The following CEP97 variants were observed in gnomAD, a reference collection of about 807,000 sequenced individuals.
CEP97 encodes the protein centrosomal protein of 97 kDa.
In CEP97, 43 loss-of-function variants were observed where a neutral mutation model predicts 73.1. The ratio of observed to expected loss-of-function variants is 0.59; its 90% CI spans 0.46 to 0.76. The LOEUF (loss-of-function observed/expected upper bound fraction) is 0.76. CEP97 is among the 30% of genes least tolerant of loss of function. The pLI is 0.00. For missense variants in CEP97, 939 were observed against 1,014.0 expected, an observed-to-expected ratio of 0.93 and a Z score of 1.00; for synonymous variants, 337 against 370.0, an observed-to-expected ratio of 0.91 and a Z score of 1.02.
chr3:101,724,614 A>C lies in CEP97; in HGVS notation c.-63A>C. ...GTTATAGTTTCCGGCTCCCTCCTTC[A>C]GATTACAAGCTCCACAGAGCCGCGG... On this transcript the variant is annotated 5_prime_UTR_variant, in exon 1 of 11. Coordinates refer to ENST00000341893, the MANE Select transcript of CEP97 (RefSeq NM_024548.4). The C allele has an allele frequency of 1.9e-6, 3 of 1,586,608 alleles. No homozygotes were observed. The highest frequency in any genetic ancestry group is 2.6e-6 in the Non-Finnish European group (3 of 1,155,444).
rs146247413 is a variant in CEP97 at position 101,757,914 on chromosome 3, A to G, written c.1308A>G (p.Ala436=). 255 of 1,614,278 alleles carry G rather than the reference A, an allele frequency of 1.6e-4. 1 individual carries two copies. The African/African-American group carries it at 2.8e-3, about 18-fold the overall frequency. Residue 436 remains alanine, a synonymous_variant, in exon 9 of 11, where the codon GCA becomes GCG. Transcript: ENST00000341893. ...INLGLEDDGV[A]DESVKGLESQ... ...TGGGCCTAGAAGATGATGGTGTTGC[A>G]GATGAATCTGTGAAAGGGCTGGAAA...
chr3:101,766,638 GATAT>G lies in CEP97; in HGVS notation c.*1104_*1107del, dbSNP rs3039557. 3 of 148,030 alleles carry G rather than the reference GATAT, an allele frequency of 2.0e-5. No homozygotes were observed. The highest frequency in any genetic ancestry group is 2.5e-5 in the African/African-American group (1 of 40,444). 9.2% of individuals were successfully genotyped at this position (148,030 alleles called of 1,614,324 possible). On this transcript the variant is annotated 3_prime_UTR_variant, in exon 11 of 11. Transcript: ENST00000341893. ...AAACCTCACTTTACTTGTTAAAAGG[GATAT>G]ATATATATATATATATGTCTGCAAC...
chr3:101,731,718 G>C, intron 4 of CEP97, 122 bp from the exon 5 acceptor site: 1 of 618,772 alleles, frequency 1.6e-6, no homozygotes, highest in South Asian at 2.0e-5. Context: ...TGATTTGTGT[G>C]TGATGAGAAA....
intron 6 of CEP97, among the ~76,000 whole-genome samples, chr3:101,741,082 A>G (rs532506730): frequency 3.1e-4 from 47 of 152,302 alleles, no homozygotes; most frequent in Admixed American, 1.0e-3. Context: ...AGTTATATAG[A>G]CAAATGGAAC....
At position 101,765,641 on chromosome 3, in the gene CEP97, C is replaced by A; in HGVS notation, c.*90C>A. 1 of 1,011,840 alleles carries A rather than the reference C, an allele frequency of 9.9e-7. No individual in the cohort carries two copies. The highest frequency in any genetic ancestry group is 1.5e-6 in the Non-Finnish European group (1 of 686,184). The allele number at this position is 1,011,840 out of a possible 1,614,324, so 62.7% of individuals were successfully genotyped here. A position where few individuals can be genotyped will look rare whatever the true frequency, so the allele number is the denominator to read the frequency against. ...TTTTTTTGGAGGGAAATACTCCCTA[C>A]CCCTAATTTTGTTACTACTTATATA... On this transcript the variant is annotated 3_prime_UTR_variant, in exon 11 of 11. Coordinates refer to ENST00000341893, the MANE Select transcript of CEP97 (RefSeq NM_024548.4).
chr3:101,735,540 C>T (rs982233798), intron 6 of CEP97, among the ~76,000 whole-genome samples: 26 of 152,246 alleles, frequency 1.7e-4, no homozygotes, highest in Middle Eastern at 6.8e-3. Context: ...GTGCAGCCCA[C>T]AGAGGGTGAG....
intron 7 of CEP97, among the ~76,000 whole-genome samples, chr3:101,756,537 C>T (rs917688768): frequency 1.3e-5 from 2 of 151,866 alleles, no homozygotes; most frequent in African/African-American, 2.4e-5. Context: ...CACCAAGCCT[C>T]GGCTAATTTT....
At chr3:101,753,132 G>A (rs1938887942) in intron 6 of CEP97, among the ~76,000 whole-genome samples, 2 of 152,220 alleles carry the variant, frequency 1.3e-5, no homozygotes, top group Admixed American at 1.3e-4. Context: ...CTCAGCTGCA[G>A]GTCTGTTGGA....
At chr3:101,763,086 T>G in intron 10 of CEP97, 3 of 1,202,586 alleles carry the variant, frequency 2.5e-6, no homozygotes, top group Non-Finnish European at 3.2e-6. Flanking sequence ...TTTAATAAAA[T>G]TTTCATTTCT....
At chr3:101,732,128 G>T (rs1014524882) in intron 5 of CEP97, among the ~76,000 whole-genome samples, 175 bp downstream of exon 5, 4 of 152,148 alleles carry the variant, frequency 2.6e-5, no homozygotes, top group Admixed American at 2.0e-4. Context: ...GGTCATTAAG[G>T]TCTAATTTCC....
chr3:101,756,089 A>G (rs2318090), intron 7 of CEP97, among the ~76,000 whole-genome samples: 55,320 of 151,276 alleles, frequency 0.37, 10,596 homozygotes, highest in African/African-American at 0.45. Context: ...AAGACATAAT[A>G]TCACTCTGTT....
intron 1 of CEP97, among the ~76,000 whole-genome samples, chr3:101,724,976 G>A (rs1056884839): frequency 2.0e-5 from 3 of 152,204 alleles, no homozygotes; most frequent in African/African-American, 7.2e-5. Flanking sequence ...CCTGGCTCCC[G>A]CGCTCCCGAT....
intron 6 of CEP97, among the ~76,000 whole-genome samples, chr3:101,747,473 A>T (rs1266421058): frequency 2.6e-5 from 4 of 151,434 alleles, no homozygotes; most frequent in Admixed American, 6.6e-5. Context: ...GTTAGCCAGG[A>T]TGGTCTCGAT....
chr3:101,765,804 T>C lies in CEP97; in HGVS notation c.*253T>C, dbSNP rs977864194. ...AGCTATATGCACTTTATTTCTTAAC[T>C]GAATTGCATCAACAATGTTCCTGTT... On this transcript the variant is annotated 3_prime_UTR_variant, in exon 11 of 11. Coordinates refer to ENST00000341893, the MANE Select transcript of CEP97 (RefSeq NM_024548.4). The C allele has an allele frequency of 1.9e-5, 6 of 323,632 alleles. No individual in the cohort carries two copies. The highest frequency in any genetic ancestry group is 1.8e-4 in the Admixed American group (4 of 21,778). 20.0% of individuals were successfully genotyped at this position (323,632 alleles called of 1,614,324 possible).
At chr3:101,738,011 C>CAAAAAAAAA (rs770745532) in intron 6 of CEP97, among the ~76,000 whole-genome samples, 4 of 44,222 alleles carry the variant, frequency 9.0e-5, no homozygotes, top group Admixed American at 3.2e-4. Flanking sequence ...AAATGGAAAG[C>CAAAAAAAAA]AAAAAAAAAA....
chr3:101,748,321 A>T (rs1938690415), intron 6 of CEP97, among the ~76,000 whole-genome samples: 1 of 151,928 alleles, frequency 6.6e-6, no homozygotes. Flanking sequence ...GTGGAAAATC[A>T]GATCTTATAG....
At chr3:101,753,223 G>T (rs1938890550) in intron 6 of CEP97, among the ~76,000 whole-genome samples, 1 of 152,178 alleles carries the variant, frequency 6.6e-6, no homozygotes, top group African/African-American at 2.4e-5. Context: ...TTCGTGAACT[G>T]GGAATGCTGC....
chr3:101,729,681 C>T (rs1024701431), intron 4 of CEP97, among the ~76,000 whole-genome samples: 2 of 152,110 alleles, frequency 1.3e-5, no homozygotes, highest in Non-Finnish European at 1.5e-5. Flanking sequence ...GATCCTCTCA[C>T]CTTAGCCTCC....
At chr3:101,750,617 A>G (rs1477542573) in intron 6 of CEP97, among the ~76,000 whole-genome samples, 1 of 152,150 alleles carries the variant, frequency 6.6e-6, no homozygotes, top group Non-Finnish European at 1.5e-5. Flanking sequence ...TCAGAGATTC[A>G]ACTTCTTCCT....
Sources: allele counts gnomAD v4.1 joint callset (sites outside exome capture counted in the v4.1 genomes callset), GRCh38; gene constraint gnomAD v4.1.1; transcripts MANE v1.5; gene names NCBI Gene and HGNC (gene_info 2026-07-23, HGNC 2026-07-21).